Variants in LINGO2 observed in about 807,000 individuals in gnomAD.
LINGO2 encodes leucine-rich repeat and immunoglobulin-like domain-containing nogo receptor-interacting protein 2.
Under a neutral mutation model 30.6 loss-of-function variants are expected in LINGO2, and 14 were observed. That is an observed-to-expected ratio of 0.46 (90% CI 0.30 to 0.72). LINGO2 has a LOEUF of 0.72. Among genes scored for constraint, LINGO2 ranks in the 30% least tolerant of loss-of-function variants. The pLI is 0.07. For synonymous variants in LINGO2, 317 were observed against 288.5 expected, an observed-to-expected ratio of 1.10 and a Z score of -1.00; for missense variants, 729 against 751.7, an observed-to-expected ratio of 0.97 and a Z score of 0.35.
rs543204394 is a variant in LINGO2, at chr9:28,465,320, C to T, written c.-279+10620G>A. Among the ~76,000 whole-genome samples the T allele has an allele frequency of 9.2e-5, 14 of 152,228 alleles. No individual in the cohort carries two copies. In the South Asian group the frequency reaches 1.0e-3, roughly 11 times the overall value. ...CTGGCAAGGGGATAAAGTGGGAAGG[C>T]GGCCTAACCATCCCCGGCTGAACTC... is the stretch of plus-strand genomic sequence containing the variant. On this transcript the variant is annotated intron_variant, in intron 2 of 5. Coordinates refer to ENST00000379992, the Ensembl canonical transcript of LINGO2.
the LINGO2 span, among the ~76,000 whole-genome samples, chr9:29,090,763 A>C: frequency 0.39 from 59,558 of 151,404 alleles, 11,978 homozygotes; most frequent in African/African-American, 0.49. Context: ...TCAGAATTTT[A>C]GTAAATTTAT....
At chr9:28,209,009 T>C (rs1192842965) in intron 4 of LINGO2, among the ~76,000 whole-genome samples, 1 of 151,880 alleles carries the variant, frequency 6.6e-6, no homozygotes, top group Non-Finnish European at 1.5e-5. Flanking sequence ...CAGGAGAGAG[T>C]AGAGATAAAT....
At chr9:27,983,627 A>G (rs1820988038) in intron 5 of LINGO2, among the ~76,000 whole-genome samples, 1 of 151,902 alleles carries the variant, frequency 6.6e-6, no homozygotes, top group African/African-American at 2.4e-5. Flanking sequence ...TTCCATATTA[A>G]TAAAAGAAAG....
At chr9:28,782,536 G>A in the LINGO2 span, among the ~76,000 whole-genome samples, 1 of 151,966 alleles carries the variant, frequency 6.6e-6, no homozygotes, top group African/African-American at 2.4e-5. Flanking sequence ...CATTAACTAT[G>A]TGTTGTGACA....
the LINGO2 span, among the ~76,000 whole-genome samples, chr9:29,019,337 T>C: frequency 6.6e-6 from 1 of 152,190 alleles, no homozygotes; most frequent in Admixed American, 6.6e-5. Context: ...ACATATGTTA[T>C]ATGTTATATC....
At chr9:29,024,995 A>T in the LINGO2 span, among the ~76,000 whole-genome samples, 5 of 152,102 alleles carry the variant, frequency 3.3e-5, no homozygotes, top group East Asian at 9.6e-4. Context: ...ATCAAAAAAG[A>T]AAAAAACAGA....
At chr9:28,123,721 C>T (rs1156636877) in intron 4 of LINGO2, among the ~76,000 whole-genome samples, 5 of 151,594 alleles carry the variant, frequency 3.3e-5, no homozygotes, top group African/African-American at 4.9e-5. Flanking sequence ...TGGAGTGCAG[C>T]GGCGTGATCT....
At chr9:28,741,741 G>A in the LINGO2 span, among the ~76,000 whole-genome samples, 2 of 151,808 alleles carry the variant, frequency 1.3e-5, no homozygotes, top group African/African-American at 4.9e-5. Flanking sequence ...GGGTTGCAAG[G>A]GCTGGCCTGA....
At chr9:28,509,943 C>T (rs1156661063) in intron 1 of LINGO2, among the ~76,000 whole-genome samples, 1 of 152,216 alleles carries the variant, frequency 6.6e-6, no homozygotes, top group Non-Finnish European at 1.5e-5. Flanking sequence ...ACTATACTAA[C>T]ATTACAATCA....
intron 1 of LINGO2, among the ~76,000 whole-genome samples, chr9:28,480,836 A>G (rs1214932931): frequency 6.6e-6 from 1 of 152,074 alleles, no homozygotes; most frequent in African/African-American, 2.4e-5. Context: ...TAGAGGGTTA[A>G]TTGACTTTCC....
At chr9:28,789,780 G>A in the LINGO2 span, among the ~76,000 whole-genome samples, 7 of 152,202 alleles carry the variant, frequency 4.6e-5, no homozygotes, top group South Asian at 8.3e-4. Context: ...AATATTCCAC[G>A]TTCCTCATTC....
At chr9:28,863,866 T>C in the LINGO2 span, among the ~76,000 whole-genome samples, 1 of 152,138 alleles carries the variant, frequency 6.6e-6, no homozygotes, top group African/African-American at 2.4e-5. Context: ...ACACTGAACA[T>C]TTATTTTAAG....
intron 1 of LINGO2, among the ~76,000 whole-genome samples, chr9:28,668,087 G>T (rs185817533): frequency 6.6e-6 from 1 of 151,908 alleles, no homozygotes; most frequent in Non-Finnish European, 1.5e-5. Flanking sequence ...ATTCTGGATG[G>T]CTTTAGAATT....
At chr9:28,619,833 G>C (rs892734478) in intron 1 of LINGO2, among the ~76,000 whole-genome samples, 1 of 152,006 alleles carries the variant, frequency 6.6e-6, no homozygotes, top group Non-Finnish European at 1.5e-5. Context: ...CAGCTTATAG[G>C]GGTGAAGTAA....
the LINGO2 span, among the ~76,000 whole-genome samples, chr9:28,881,909 G>C: frequency 6.6e-6 from 1 of 152,126 alleles, no homozygotes; most frequent in Non-Finnish European, 1.5e-5. Context: ...GCAATATTTG[G>C]TGAAAACCTT....
At chr9:29,056,338 C>T in the LINGO2 span, among the ~76,000 whole-genome samples, 3 of 152,056 alleles carry the variant, frequency 2.0e-5, no homozygotes, top group African/African-American at 7.2e-5. Context: ...ATTTGCATTT[C>T]CCTGATAATC....
intron 1 of LINGO2, among the ~76,000 whole-genome samples, chr9:28,491,638 A>C (rs901760552): frequency 6.6e-6 from 1 of 152,190 alleles, no homozygotes; most frequent in African/African-American, 2.4e-5. Context: ...TAAACATTTA[A>C]AATCAAATGG....
intron 1 of LINGO2, among the ~76,000 whole-genome samples, chr9:28,650,261 A>T (rs1828035524): frequency 6.6e-6 from 1 of 152,170 alleles, no homozygotes; most frequent in African/African-American, 2.4e-5. Context: ...AGACTCTAGC[A>T]CGTGGGCTCT....
At chr9:28,346,689 C>T (rs1819587463) in intron 3 of LINGO2, among the ~76,000 whole-genome samples, 2 of 152,124 alleles carry the variant, frequency 1.3e-5, no homozygotes, top group Admixed American at 1.3e-4. Context: ...TCCACAACCT[C>T]ATCAGCATGT....
Sources: allele counts gnomAD v4.1 joint callset (sites outside exome capture counted in the v4.1 genomes callset), GRCh38; gene constraint gnomAD v4.1.1; transcripts MANE v1.5; gene names NCBI Gene and HGNC (gene_info 2026-07-23, HGNC 2026-07-21).